Variants in TUFT1 observed in about 807,000 individuals in gnomAD.
The protein encoded by TUFT1 is tuftelin.
In TUFT1, 43 loss-of-function variants were observed where a neutral mutation model predicts 57.8. The observed-to-expected ratio is 0.74, with a 90% CI of 0.58 to 0.96. TUFT1 has a LOEUF of 0.96. Among genes scored for constraint, TUFT1 ranks in the 40% least tolerant of loss-of-function variants. The pLI is 0.00. For missense variants in TUFT1, 459 were observed against 489.0 expected, an observed-to-expected ratio of 0.94 and a Z score of 0.58; for synonymous variants, 166 against 176.7, an observed-to-expected ratio of 0.94 and a Z score of 0.48.
intron 9 of TUFT1, among the ~76,000 whole-genome samples, chr1:151,577,867 T>G (rs1364325095): frequency 1.3e-5 from 2 of 151,816 alleles, no homozygotes; most frequent in African/African-American, 4.8e-5. Flanking sequence ...CAAAAAAAAT[T>G]TTTTTTTAGT....
intron 1 of TUFT1, 117 bp downstream of exon 1, chr1:151,540,543 AG>A (rs1665128647): frequency 8.5e-7 from 1 of 1,172,694 alleles, no homozygotes; most frequent in Admixed American, 2.1e-5. Context: ...TCGCGCGGTC[AG>A]CCCTGCGCGG....
Position 151,578,794 on chromosome 1 carries a change from C to G in TUFT1, c.892C>G (p.Gln298Glu), listed in dbSNP as rs1462142234. Residue 298 changes from glutamine (Q) to glutamate (E), a missense_variant, in exon 10 of 13, where the codon CAG becomes GAG. Physicochemically the swap from Gln to Glu is conservative, Grantham distance 29. Coordinates refer to ENST00000368849, the MANE Select transcript of TUFT1 (RefSeq NM_020127.3). ...IHHLDDMLKS[Q>E]QRKVRQMIEQ... The stretch of plus-strand genomic sequence containing the variant: ...CCACTTGGATGACATGCTCAAGAGC[C>G]AGCAGCGGAAAGTCCGGCAAATGAT... The G allele has an allele frequency of 6.3e-7, 1 of 1,580,704 alleles. No homozygotes were observed. The highest frequency in any genetic ancestry group is 1.3e-5 in the African/African-American group (1 of 74,364).
Position 151,574,956 on chromosome 1 carries a change from C to G in TUFT1, c.769C>G (p.Leu257Val). ...GAAAGTGAGGGAAGGGGAGGTGGCC[C>G]TAGAGGAACTTCGGAGCAACAATGC... is the stretch of plus-strand genomic sequence containing the variant. ...LAKVREGEVA[L>V]EELRSNNADC... The change falls in exon 9 of 13, where the codon CTA becomes GTA. Residue 257 changes from leucine (L) to valine (V), a missense_variant. Coordinates refer to ENST00000368849, the MANE Select transcript of TUFT1 (RefSeq NM_020127.3). 6.3e-7 allele frequency: 1 copy of G among 1,577,694 alleles called. No individual in the cohort carries two copies.
intron 7 of TUFT1, among the ~76,000 whole-genome samples, chr1:151,572,225 A>G (rs969859245): frequency 2.8e-5 from 3 of 107,166 alleles, no homozygotes; most frequent in Non-Finnish European, 7.0e-5. Flanking sequence ...TGGTACATAA[A>G]TAATTTTTTT....
In TUFT1 at chr1:151,581,012, A is replaced by G; in HGVS notation, c.1079A>G (p.Gln360Arg). The change falls in exon 12 of 13, where the codon CAG (glutamine) becomes CGG (arginine). Residue 360 changes from glutamine (Q) to arginine (R), a missense_variant. Gln to Arg is a conservative substitution (Grantham distance 43). Coordinates refer to ENST00000368849, the MANE Select transcript of TUFT1 (RefSeq NM_020127.3). ...ATCAGTCATGGCAACTTCAGCACCC[A>G]GGCCCGGGCCAAGACAGAGAACCCG... The part of the protein sequence containing the change: ...KQISHGNFST[Q>R]ARAKTENPGS... The G allele has an allele frequency of 4.3e-6, 7 of 1,614,178 alleles. No homozygotes were observed. The highest frequency in any genetic ancestry group is 5.9e-6 in the Non-Finnish European group (7 of 1,180,022).
intron 9 of TUFT1, among the ~76,000 whole-genome samples, chr1:151,576,314 C>T (rs111888562): frequency 6.6e-6 from 1 of 152,176 alleles, no homozygotes; most frequent in African/African-American, 2.4e-5. Context: ...GACTGTTCCT[C>T]TACTCCTAAC....
At position 151,569,687 on chromosome 1, in the gene TUFT1, A is replaced by G; in HGVS notation, c.511A>G (p.Ser171Gly). Residue 171 changes from serine to glycine, a missense_variant, in exon 7 of 13, where the codon AGC becomes GGC. Transcript: ENST00000368849. ...VDTCINEDVE[S>G]LRKTVQDLLA... Reference sequence around the variant, plus strand: ...CACCTGTATAAATGAGGATGTTGAGAGCTTGAGGAAGACGGTGCAGGACTT... The same window carrying G: ...CACCTGTATAAATGAGGATGTTGAGGGCTTGAGGAAGACGGTGCAGGACTT... The G allele has an allele frequency of 1.2e-6, 2 of 1,613,836 alleles. No homozygotes were observed. Among genetic ancestry groups the G allele is most frequent in the Non-Finnish European group, 1.7e-6 (2 of 1,179,896 alleles).
chr1:151,580,988 T>C lies in TUFT1; in HGVS notation c.1055T>C (p.Ile352Thr). Reference protein sequence around the residue: ...DRMEHLIEKQISHGNFSTQAR... With the variant: ...DRMEHLIEKQTSHGNFSTQAR... ...ATGGAACACCTGATAGAAAAACAAA[T>C]CAGTCATGGCAACTTCAGCACCCAG... Residue 352 changes from isoleucine to threonine, a missense_variant, in exon 12 of 13, where the codon ATC (isoleucine) becomes ACC (threonine). Ile to Thr is a moderately conservative substitution (Grantham distance 89). Coordinates refer to ENST00000368849, the MANE Select transcript of TUFT1 (RefSeq NM_020127.3). 1 of 1,613,896 alleles carries C rather than the reference T, an allele frequency of 6.2e-7. No individual in the cohort carries two copies. Among genetic ancestry groups the C allele is most frequent in the Non-Finnish European group, 8.5e-7 (1 of 1,179,986 alleles).
At position 151,563,971 on chromosome 1, in the gene TUFT1, A is replaced by T; in HGVS notation, c.305A>T (p.Glu102Val). ...HEKNINQLKSEVQYIQEARNC... is the reference protein window; with the variant it reads ...HEKNINQLKSVVQYIQEARNC... ...AAGAATATTAACCAGCTGAAGAGTG[A>T]GGTCCAGTACATCCAGGAGGTGGGC... The change falls in exon 4 of 13, where the codon GAG becomes GTG. Residue 102 changes from glutamate to valine, a missense_variant. Coordinates refer to ENST00000368849, the MANE Select transcript of TUFT1 (RefSeq NM_020127.3). 2 of 1,614,142 alleles carry T rather than the reference A, an allele frequency of 1.2e-6. No individual in the cohort carries two copies. The highest frequency in any genetic ancestry group is 1.7e-6 in the Non-Finnish European group (2 of 1,180,006).
chr1:151,564,558 A>ATTTC lies in TUFT1; in HGVS notation c.359_360insTTCT (p.Ser122LysfsTer2). On this transcript the variant is annotated frameshift_variant, in exon 5 of 13. Coordinates refer to ENST00000368849, the MANE Select transcript of TUFT1 (RefSeq NM_020127.3). LOFTEE classifies it high-confidence loss of function. Reference sequence around the variant, plus strand: ...CTGCCTACAGAAGCTCCGGGAGGATATAAGTAGCAAGCTTGACAGGAACCT... The same window carrying ATTTC: ...CTGCCTACAGAAGCTCCGGGAGGATATTTCTAAGTAGCAAGCTTGACAGGAACCT... 1 of 1,614,152 alleles carries ATTTC rather than the reference A, an allele frequency of 6.2e-7. No individual in the cohort carries two copies. The highest frequency in any genetic ancestry group is 8.5e-7 in the Non-Finnish European group (1 of 1,180,012).
chr1:151,557,821 T>C (rs1351536384), intron 1 of TUFT1: 2 of 753,272 alleles, frequency 2.7e-6, no homozygotes, highest in Non-Finnish European at 4.9e-6. Flanking sequence ...AGAGATAACC[T>C]ACAGACGGAG....
intron 6 of TUFT1, among the ~76,000 whole-genome samples, chr1:151,566,541 A>G (rs946805678): frequency 6.6e-6 from 1 of 152,126 alleles, no homozygotes; most frequent in African/African-American, 2.4e-5. Flanking sequence ...TCCCATCCCT[A>G]GAGCTTGTCA....
intron 6 of TUFT1, 87 bp downstream of exon 6, chr1:151,566,315 T>TCC: frequency 1.0e-6 from 1 of 977,238 alleles, no homozygotes; most frequent in Admixed American, 2.1e-5. Context: ...GCTTTCTCTC[T>TCC]CTCTCTCTCT....
intron 10 of TUFT1, 33 bp downstream of exon 10, chr1:151,578,859 G>A (rs539931201): frequency 1.3e-6 from 2 of 1,507,750 alleles, no homozygotes; most frequent in South Asian, 2.4e-5. Flanking sequence ...CTGCCCTCGG[G>A]GAGTCACCCC....
At chr1:151,540,536 C>A in intron 1 of TUFT1, 110 bp downstream of exon 1, 1 of 1,275,900 alleles carries the variant, frequency 7.8e-7, no homozygotes, top group Non-Finnish European at 1.1e-6. Context: ...GCCCGGCTCG[C>A]GCGGTCAGCC....
intron 9 of TUFT1, among the ~76,000 whole-genome samples, chr1:151,575,585 A>G (rs758110682): frequency 1.3e-4 from 20 of 152,174 alleles, no homozygotes; most frequent in Non-Finnish European, 2.8e-4. Context: ...GATCAGAGGA[A>G]ATCAGAGGCC....
chr1:151,565,957 C>A lies in TUFT1; in HGVS notation c.415-206C>A, dbSNP rs148850330. 2.6e-5 allele frequency: 12 copies of A among 469,706 alleles called. No individual in the cohort carries two copies. The South Asian group carries it at 3.3e-4, about 13-fold the overall frequency. The allele number at this position is 469,706 out of a possible 1,614,324, so 29.1% of individuals were successfully genotyped here. A position where few individuals can be genotyped will look rare whatever the true frequency, so the allele number is the denominator to read the frequency against. On this transcript the variant is annotated intron_variant, in intron 5 of 12. Transcript: ENST00000368849. Reference sequence around the variant, plus strand: ...GAACGCTAGAAATCTTTTCTTCTTTCGCTTCGTTCCTTCTTCCTCTTCTCC... The same window carrying A: ...GAACGCTAGAAATCTTTTCTTCTTTAGCTTCGTTCCTTCTTCCTCTTCTCC...
chr1:151,541,435 G>A (rs958042243), intron 1 of TUFT1, among the ~76,000 whole-genome samples: 1 of 152,126 alleles, frequency 6.6e-6, no homozygotes, highest in Admixed American at 6.5e-5. Flanking sequence ...GATTAGGTGT[G>A]TACTATTTCA....
chr1:151,547,033 G>C (rs1284377727), intron 1 of TUFT1, among the ~76,000 whole-genome samples: 1 of 152,196 alleles, frequency 6.6e-6, no homozygotes, highest in African/African-American at 2.4e-5. Context: ...GGGAAAAACT[G>C]CTGGGCAGAG....
Sources: allele counts gnomAD v4.1 joint callset (sites outside exome capture counted in the v4.1 genomes callset), GRCh38; gene constraint gnomAD v4.1.1; transcripts MANE v1.5; gene names NCBI Gene and HGNC (gene_info 2026-07-23, HGNC 2026-07-21).